Variants in ZNF600 observed in about 807,000 individuals in gnomAD.
ZNF600 encodes the protein zinc finger protein 600.
Under a neutral mutation model 7.3 loss-of-function variants are expected in ZNF600, and 4 were observed. That is an observed-to-expected ratio of 0.55 (90% CI 0.27 to 1.25). The LOEUF (loss-of-function observed/expected upper bound fraction) is 1.25. Ranked by LOEUF, ZNF600 falls within the 50% of genes most tolerant of loss-of-function variation. The pLI is 0.12. For missense variants in ZNF600, 911 were observed against 922.1 expected, an observed-to-expected ratio of 0.99 and a Z score of 0.16; for synonymous variants, 290 against 308.9, an observed-to-expected ratio of 0.94 and a Z score of 0.64.
the ZNF600 span, among the ~76,000 whole-genome samples, chr19:52,832,857 C>A: frequency 1.3e-5 from 2 of 152,054 alleles, no homozygotes; most frequent in East Asian, 3.9e-4. Context: ...CTGTAACCTC[C>A]ACCTCCCGGA....
the ZNF600 span, among the ~76,000 whole-genome samples, chr19:52,793,927 A>G: frequency 1.3e-5 from 2 of 152,190 alleles, no homozygotes; most frequent in Admixed American, 6.5e-5. Flanking sequence ...TTTCAAAAAC[A>G]TGCTGTCAAG....
the ZNF600 span, among the ~76,000 whole-genome samples, chr19:52,814,940 T>A: frequency 6.9e-6 from 1 of 145,888 alleles, no homozygotes; most frequent in East Asian, 2.0e-4. Context: ...AAATCTTTTT[T>A]TGCATATATA....
chr19:52,810,389 C>A, the ZNF600 span: 1 of 1,604,946 alleles, frequency 6.2e-7, no homozygotes, highest in South Asian at 1.1e-5. Context: ...GTTCAGTCAA[C>A]CACGTTACCA....
the ZNF600 span, among the ~76,000 whole-genome samples, chr19:52,809,418 T>C: frequency 1.3e-5 from 2 of 152,182 alleles, no homozygotes; most frequent in African/African-American, 4.8e-5. Flanking sequence ...CAGGATGAAA[T>C]ATCGAACTAA....
At chr19:52,777,734 CAGA>C (rs1189799071) in intron 2 of ZNF600, among the ~76,000 whole-genome samples, 20 of 151,932 alleles carry the variant, frequency 1.3e-4, no homozygotes, top group Non-Finnish European at 4.4e-5. Flanking sequence ...GAGGCTGAGG[CAGA>C]AGAATTGCTT....
chr19:52,829,131 T>C, the ZNF600 span, among the ~76,000 whole-genome samples: 1 of 151,772 alleles, frequency 6.6e-6, no homozygotes, highest in Admixed American at 6.6e-5. Flanking sequence ...CCCAAAGTGC[T>C]GGGATCACAG....
At chr19:52,797,585 A>C in the ZNF600 span, 1 of 152,762 alleles carries the variant, frequency 6.5e-6, no homozygotes, top group South Asian at 2.1e-4. Context: ...ATTTTAAAAT[A>C]AAATTAAAAA....
At chr19:52,808,205 G>A in the ZNF600 span, 5 of 1,588,794 alleles carry the variant, frequency 3.1e-6, no homozygotes, top group Non-Finnish European at 4.3e-6. Flanking sequence ...GACAAGAGAG[G>A]GGGAAAGCAT....
At chr19:52,826,611 T>C in the ZNF600 span, among the ~76,000 whole-genome samples, 1 of 151,778 alleles carries the variant, frequency 6.6e-6, no homozygotes, top group East Asian at 1.9e-4. Flanking sequence ...AAGGTTGAGG[T>C]AGGAGAATTG....
At chr19:52,790,190 G>A (rs1327108898), upstream of ZNF600, among the ~76,000 whole-genome samples, 1 of 152,188 alleles carries the variant, frequency 6.6e-6, no homozygotes, top group Non-Finnish European at 1.5e-5. Context: ...CACAGGGGAT[G>A]CGATGGCCTG....
the ZNF600 span, chr19:52,814,569 G>C: frequency 6.9e-6 from 1 of 145,022 alleles, no homozygotes; most frequent in Non-Finnish European, 1.5e-5. Context: ...ATTCCAGCCT[G>C]GACAACCGAG....
At chr19:52,767,209 G>A in exon 4 of ZNF600, 1 of 1,614,068 alleles carries the variant, frequency 6.2e-7, no homozygotes, top group Non-Finnish European at 8.5e-7. Context: ...CCTAAATGGG[G>A]TATCTGGTGT....
the ZNF600 span, among the ~76,000 whole-genome samples, chr19:52,812,787 A>AAAAAAAG: frequency 4.6e-5 from 6 of 130,968 alleles, no homozygotes; most frequent in African/African-American, 1.7e-4. Flanking sequence ...AAAAAAAAAA[A>AAAAAAAG]GTTTTAAGTG....
chr19:52,799,932 T>C, the ZNF600 span: 27 of 1,613,898 alleles, frequency 1.7e-5, 1 homozygote, highest in South Asian at 2.6e-4. Flanking sequence ...GCCACACTCA[T>C]TACACTTGTA....
exon 4 of ZNF600, chr19:52,767,253 C>T: frequency 6.2e-7 from 1 of 1,614,124 alleles, no homozygotes; most frequent in Non-Finnish European, 8.5e-7. Context: ...AAAGGCTTTG[C>T]CACTCTCATT....
At position 52,766,114 on chromosome 19, in the gene ZNF600, G is replaced by C. The variant is rs769349234; in HGVS notation, c.1849C>G (p.His617Asp). 3 of 1,613,984 alleles carry C rather than the reference G, an allele frequency of 1.9e-6. No homozygotes were observed. Among genetic ancestry groups the C allele is most frequent in the Admixed American group, 1.7e-5 (1 of 60,006 alleles). The change falls in exon 4 of 4, where the codon CAT (histidine) becomes GAT (aspartate). Residue 617 changes from histidine to aspartate, a missense_variant. Transcript: ENST00000648973. ...CACTTGTAAGGTTTCTCACCACTAT[G>C]AAGTCTACGATGGCAATGAAGGTAT...
At chr19:52,790,969 C>T (rs970707307), upstream of ZNF600, among the ~76,000 whole-genome samples, 1 of 152,066 alleles carries the variant, frequency 6.6e-6, no homozygotes, top group Non-Finnish European at 1.5e-5. Flanking sequence ...GTGTGAGCCA[C>T]CACACCCAGA....
chr19:52,780,038 T>C (rs1469399776), intron 1 of ZNF600, among the ~76,000 whole-genome samples: 1 of 152,020 alleles, frequency 6.6e-6, no homozygotes, highest in Non-Finnish European at 1.5e-5. Context: ...ACTCAAAAGA[T>C]TGCAACCGTT....
the ZNF600 span, chr19:52,810,285 G>A: frequency 1.4e-6 from 2 of 1,479,126 alleles, no homozygotes; most frequent in Non-Finnish European, 1.9e-6. Flanking sequence ...GTCCATTGAG[G>A]AGAAGATGGA....
Sources: gnomAD v4.1 joint callset for allele counts (sites outside exome capture counted in the v4.1 genomes callset) on GRCh38, gnomAD v4.1.1 for gene constraint, MANE v1.5 for transcripts, NCBI Gene and HGNC (gene_info 2026-07-23, HGNC 2026-07-21) for gene names.